The following CREB3L2 variants were observed in gnomAD, a reference collection of about 807,000 sequenced individuals.
CREB3L2 encodes cAMP responsive element binding protein 3 like 2.
A neutral mutation model predicts 57.2 loss-of-function variants in CREB3L2; 23 were observed. The ratio of observed to expected loss-of-function variants is 0.40; its 90% CI spans 0.29 to 0.57. CREB3L2 has a LOEUF of 0.57. Ranked by LOEUF, CREB3L2 falls within the 20% of genes least tolerant of loss-of-function variation. CREB3L2 has a pLI of 0.42. For missense variants in CREB3L2, 628 were observed against 634.7 expected (o/e 0.99, Z 0.11); for synonymous variants, 268 against 265.1 (o/e 1.01, Z -0.11).
chr7:137,981,349 A>T (rs1334964590), intron 1 of CREB3L2, among the ~76,000 whole-genome samples: 1 of 152,224 alleles, frequency 6.6e-6, no homozygotes, highest in African/African-American at 2.4e-5. Context: ...AGATTCTATG[A>T]GGGCCTGTGC....
At chr7:137,941,775 G>C (rs1800883470) in intron 1 of CREB3L2, among the ~76,000 whole-genome samples, 2 of 152,162 alleles carry the variant, frequency 1.3e-5, no homozygotes, top group Non-Finnish European at 2.9e-5. Context: ...TATTCATTTA[G>C]AAGAATTACT....
At chr7:137,916,787 T>TGAGAGC (rs551289499) in intron 2 of CREB3L2, among the ~76,000 whole-genome samples, 32 of 147,902 alleles carry the variant, frequency 2.2e-4, no homozygotes, top group Middle Eastern at 6.9e-3. Context: ...AGAGTGAGAG[T>TGAGAGC]GAGAGCGAGA....
intron 1 of CREB3L2, among the ~76,000 whole-genome samples, chr7:137,940,089 C>T (rs374435925): frequency 1.2e-3 from 182 of 152,290 alleles, no homozygotes; most frequent in African/African-American, 4.3e-3. Flanking sequence ...CTTTTACATG[C>T]TCATTATATA....
At chr7:137,893,811 C>T (rs1799567891) in intron 8 of CREB3L2, among the ~76,000 whole-genome samples, 1 of 152,096 alleles carries the variant, frequency 6.6e-6, no homozygotes, top group South Asian at 2.1e-4. Flanking sequence ...CAAGCATGTC[C>T]CTTAATTCTG....
At chr7:137,907,528 A>C (rs1449662392) in intron 5 of CREB3L2, among the ~76,000 whole-genome samples, 1 of 152,240 alleles carries the variant, frequency 6.6e-6, no homozygotes, top group Non-Finnish European at 1.5e-5. Context: ...AAATTTTCAA[A>C]GTTATGTTAA....
chr7:137,923,783 A>G (rs980874298), intron 2 of CREB3L2, among the ~76,000 whole-genome samples: 1 of 152,274 alleles, frequency 6.6e-6, no homozygotes, highest in East Asian at 1.9e-4. Flanking sequence ...TTTCTTTGCC[A>G]TCATGTTATA....
At chr7:137,931,598 G>A (rs1308842638) in intron 1 of CREB3L2, among the ~76,000 whole-genome samples, 6 of 151,586 alleles carry the variant, frequency 4.0e-5, no homozygotes, top group African/African-American at 1.5e-4. Context: ...CTGGGAGGCC[G>A]AGGAAGGTGG....
intron 1 of CREB3L2, among the ~76,000 whole-genome samples, chr7:137,944,197 C>T (rs563411897): frequency 1.3e-5 from 2 of 152,136 alleles, no homozygotes; most frequent in South Asian, 2.1e-4. Flanking sequence ...TTTTTGCCAC[C>T]GGGAGCCCAT....
At chr7:137,946,341 C>T (rs1361611600) in intron 1 of CREB3L2, among the ~76,000 whole-genome samples, 21 of 151,766 alleles carry the variant, frequency 1.4e-4, no homozygotes, top group Admixed American at 1.4e-3. Flanking sequence ...ATAAGGTGAT[C>T]CCTTTAAAAG....
At chr7:137,978,767 C>T (rs1272725013) in intron 1 of CREB3L2, among the ~76,000 whole-genome samples, 1 of 152,140 alleles carries the variant, frequency 6.6e-6, no homozygotes, top group Non-Finnish European at 1.5e-5. Flanking sequence ...GCTGAGTCCC[C>T]ACAAAGTTTG....
chr7:137,922,394 A>ACG (rs1257013848), intron 2 of CREB3L2, among the ~76,000 whole-genome samples: 1 of 18,098 alleles, frequency 5.5e-5, no homozygotes, highest in African/African-American at 2.7e-4. Context: ...GTATATATAT[A>ACG]TATATATATA....
At chr7:137,897,975 G>C (rs919457277) in intron 8 of CREB3L2, among the ~76,000 whole-genome samples, 1 of 152,128 alleles carries the variant, frequency 6.6e-6, no homozygotes, top group Non-Finnish European at 1.5e-5. Flanking sequence ...TGAAAAGGCA[G>C]CCCACGGATT....
At chr7:137,995,034 T>C (rs1801963635) in intron 1 of CREB3L2, among the ~76,000 whole-genome samples, 1 of 152,218 alleles carries the variant, frequency 6.6e-6, no homozygotes. Context: ...CCCATTCTCC[T>C]TTCCAGCCAT....
intron 2 of CREB3L2, among the ~76,000 whole-genome samples, chr7:137,925,872 G>A (rs1436816201): frequency 6.6e-6 from 1 of 152,200 alleles, no homozygotes; most frequent in Non-Finnish European, 1.5e-5. Context: ...CTTCAAAAAA[G>A]CTGAACTGTG....
chr7:137,989,584 G>T (rs1801852113), intron 1 of CREB3L2, among the ~76,000 whole-genome samples: 1 of 151,760 alleles, frequency 6.6e-6, no homozygotes, highest in South Asian at 2.1e-4. Context: ...ATCTTATATG[G>T]ATTATTGGCT....
At chr7:137,988,347 T>G (rs1801825427) in intron 1 of CREB3L2, among the ~76,000 whole-genome samples, 1 of 152,248 alleles carries the variant, frequency 6.6e-6, no homozygotes, top group South Asian at 2.1e-4. Context: ...TGCCAGCAGC[T>G]GCTCATTTTC....
At chr7:137,934,767 T>C (rs1250176991) in intron 1 of CREB3L2, among the ~76,000 whole-genome samples, 1 of 152,218 alleles carries the variant, frequency 6.6e-6, no homozygotes, top group African/African-American at 2.4e-5. Flanking sequence ...TATTCGGCCT[T>C]AATGCATGTT....
chr7:137,919,438 C>T (rs1399009876), intron 2 of CREB3L2, among the ~76,000 whole-genome samples: 1 of 152,188 alleles, frequency 6.6e-6, no homozygotes, highest in Non-Finnish European at 1.5e-5. Flanking sequence ...TCCCAAAGTG[C>T]TGGGATTACA....
intron 1 of CREB3L2, among the ~76,000 whole-genome samples, chr7:137,982,473 T>C (rs1448621646): frequency 3.9e-5 from 6 of 152,042 alleles, no homozygotes; most frequent in Admixed American, 3.9e-4. Flanking sequence ...CCATGTGTCA[T>C]GGGAGGGACG....
Sources: allele counts gnomAD v4.1 joint callset (sites outside exome capture counted in the v4.1 genomes callset), GRCh38; gene constraint gnomAD v4.1.1; transcripts MANE v1.5; gene names NCBI Gene and HGNC (gene_info 2026-07-23, HGNC 2026-07-21).